The following RTBDN variants were observed in gnomAD, a reference collection of about 807,000 sequenced individuals.
The protein encoded by RTBDN is retbindin.
In RTBDN, 24 loss-of-function variants were observed where a neutral mutation model predicts 21.9. The observed-to-expected ratio is 1.10, with a 90% CI of 0.79 to 1.54. The LOEUF is 1.54. RTBDN is among the 40% of genes most tolerant of loss of function. The pLI is 0.00. For missense variants in RTBDN, 325 were observed against 315.2 expected (o/e 1.03, Z -0.23); for synonymous variants, 141 against 125.9 (o/e 1.12, Z -0.80).
Position 12,830,855 on chromosome 19 carries a change from GTGTGTGTA to G in RTBDN, c.-18-866_-18-859del, listed in dbSNP as rs1049283286. 8.5e-5 allele frequency among the ~76,000 whole-genome samples: 13 copies of G among 152,050 alleles called. No individual in the cohort carries two copies. The highest frequency in any genetic ancestry group is 3.1e-4 in the African/African-American group (13 of 41,390). ...ATGTGGGGAGTGTGTGTGTGTGTGTGTGTGTGTATGTGTGTGAGGAAGGTGTGTTTGTG... is the reference window on the plus strand; with the variant it reads ...ATGTGGGGAGTGTGTGTGTGTGTGTGTGTGTGTGAGGAAGGTGTGTTTGTG... On this transcript the variant is annotated intron_variant, in intron 1 of 5. Coordinates refer to ENST00000674343, the MANE Select transcript of RTBDN (RefSeq NM_001270441.2). The surrounding 1 kb of genome is among the most constrained non-coding windows in gnomAD (Gnocchi z 4.2).
At chr19:12,834,643 A>T (rs545859540), upstream of RTBDN, 33 of 1,511,596 alleles carry the variant, frequency 2.2e-5, no homozygotes, top group Admixed American at 5.6e-4. This position sits in a 1 kb window ranked among gnomAD's most constrained non-coding sequence, Gnocchi z 4.7. Flanking sequence ...AGCGATTTTT[A>T]GCTCCTTGCA....
rs753833392 is a variant in RTBDN, at chr19:12,828,762, T to G, written c.260A>C (p.Glu87Ala). ...ERCGVPSPEC[E>A]SFLEHLQRAL... ...ACGTTGGAGGTGTTCCAGGAAGGAT[T>G]CGCATCTGGACGTTGGGAGAGATAG... The change falls in exon 4 of 6, where the codon GAA becomes GCA. Residue 87 changes from glutamate to alanine, a missense_variant. Coordinates refer to ENST00000674343, the MANE Select transcript of RTBDN (RefSeq NM_001270441.2). The G allele has an allele frequency of 6.2e-6, 10 of 1,614,202 alleles. No homozygotes were observed. Among genetic ancestry groups the G allele is most frequent in the Non-Finnish European group, 8.5e-6 (10 of 1,180,024 alleles).
In RTBDN at chr19:12,830,539, C is replaced by T; in HGVS notation, c.-18-542G>A. 3 of 984,802 alleles carry T rather than the reference C, an allele frequency of 3.0e-6. No individual in the cohort carries two copies. Among genetic ancestry groups the T allele is most frequent in the Non-Finnish European group, 2.4e-6 (2 of 829,334 alleles). 61.0% of individuals were successfully genotyped at this position (984,802 alleles called of 1,614,324 possible). ...GTTCTGTCACTGGGGCCCAAAGCCCCGAGGCAGGGACAGCTAGCGGTCTGT... is the reference window on the plus strand; with the variant it reads ...GTTCTGTCACTGGGGCCCAAAGCCCTGAGGCAGGGACAGCTAGCGGTCTGT... On this transcript the variant is annotated intron_variant, in intron 1 of 5. Transcript: ENST00000674343. The surrounding 1 kb of genome is among the most constrained non-coding windows in gnomAD (Gnocchi z 4.2).
At chr19:12,833,211 C>CT (rs2145866717) in intron 1 of RTBDN, among the ~76,000 whole-genome samples, 1 of 152,164 alleles carries the variant, frequency 6.6e-6, no homozygotes, top group African/African-American at 2.4e-5. Context: ...GAGGTTGCGT[C>CT]TCCTGTGAAG....
At position 12,830,732 on chromosome 19, in the gene RTBDN, C is replaced by T; in HGVS notation, c.-18-735G>A. On this transcript the variant is annotated intron_variant, in intron 1 of 5. Coordinates refer to ENST00000674343, the MANE Select transcript of RTBDN (RefSeq NM_001270441.2). The surrounding 1 kb of genome is among the most constrained non-coding windows in gnomAD (Gnocchi z 4.2). The stretch of plus-strand genomic sequence containing the variant: ...GGGACCTCCCACCGTCCTGCCCACA[C>T]TCCAGCTGACCAAAGGCTGGCCGAC... 3 of 964,162 alleles carry T rather than the reference C, an allele frequency of 3.1e-6. No homozygotes were observed. The highest frequency in any genetic ancestry group is 3.7e-6 in the Non-Finnish European group (3 of 810,594). 59.7% of individuals were successfully genotyped at this position (964,162 alleles called of 1,614,324 possible). A position where few individuals can be genotyped will look rare whatever the true frequency, so the allele number is the denominator to read the frequency against.
chr19:12,826,325 T>A, intron 5 of RTBDN: 1 of 1,210,954 alleles, frequency 8.3e-7, no homozygotes, highest in Non-Finnish European at 1.0e-6. Context: ...CAGTAGGAGG[T>A]TGGGCTAGGG....
In RTBDN at chr19:12,832,225, C is replaced by A. The variant is rs530864527; in HGVS notation, c.-18-2228G>T. Among the ~76,000 whole-genome samples, 6 of 152,242 alleles carry A rather than the reference C, an allele frequency of 3.9e-5. No homozygotes were observed. In the South Asian group the frequency reaches 6.2e-4, roughly 16 times the overall value. On this transcript the variant is annotated intron_variant, in intron 1 of 5. Transcript: ENST00000674343. ...GTGAGTGTTCGTGTGCCTCTCATCT[C>A]AGGGCAAGAGAGGCTTTTGTCTCTC...
chr19:12,833,969 T>A (rs1292128996), intron 1 of RTBDN: 3 of 392,514 alleles, frequency 7.6e-6, no homozygotes, highest in Non-Finnish European at 1.3e-5. Flanking sequence ...GCTGCCGCCA[T>A]GGACGATTCG....
intron 5 of RTBDN, chr19:12,826,502 T>G (rs138275818): frequency 0.012 from 10,276 of 882,462 alleles, 160 homozygotes; most frequent in African/African-American, 0.059. Context: ...GAAACCAGCC[T>G]GGCCAACATG....
chr19:12,835,249 T>C, upstream of RTBDN: 1 of 732,526 alleles, frequency 1.4e-6, no homozygotes, highest in Non-Finnish European at 2.4e-6. Flanking sequence ...GAAAACTAAT[T>C]TGCTTTCAGA....
At chr19:12,833,405 T>C (rs1969646624) in intron 1 of RTBDN, among the ~76,000 whole-genome samples, 1 of 151,536 alleles carries the variant, frequency 6.6e-6, no homozygotes, top group African/African-American at 2.4e-5. Flanking sequence ...GCCTCTTTCG[T>C]GGGGAGGGGG....
At chr19:12,829,418 G>A (rs1969465706) in intron 2 of RTBDN, among the ~76,000 whole-genome samples, 1 of 152,092 alleles carries the variant, frequency 6.6e-6, no homozygotes, top group South Asian at 2.1e-4. Context: ...GGCCAGGCTG[G>A]TCTCAAACTC....
intron 5 of RTBDN, chr19:12,826,386 G>A (rs1297407852): frequency 7.8e-7 from 1 of 1,275,720 alleles, no homozygotes; most frequent in South Asian, 1.3e-5. Context: ...CTGGGGTCTA[G>A]ACACGGTAAG....
At position 12,825,727 on chromosome 19, in the gene RTBDN, A is replaced by ACTGCCACTCCCG. The variant is rs1206045816; in HGVS notation, c.657_668dup (p.Ser223_Gly226dup). The ACTGCCACTCCCG allele has an allele frequency of 6.3e-7, 1 of 1,587,238 alleles. No homozygotes were observed. Among genetic ancestry groups the ACTGCCACTCCCG allele is most frequent in the Non-Finnish European group, 8.6e-7 (1 of 1,168,230 alleles). On this transcript the variant is annotated inframe_insertion, in exon 6 of 6. Coordinates refer to ENST00000674343, the MANE Select transcript of RTBDN (RefSeq NM_001270441.2). Reference sequence around the variant, plus strand: ...TCCGCTAGGGGCCGCTGCCGCTTCCACTGCCACTCCCGCTGCCCGCAGCGT... The same window carrying ACTGCCACTCCCG: ...TCCGCTAGGGGCCGCTGCCGCTTCCACTGCCACTCCCGCTGCCACTCCCGCTGCCCGCAGCGT...
At chr19:12,832,238 G>A (rs1257079300) in intron 1 of RTBDN, among the ~76,000 whole-genome samples, 1 of 152,128 alleles carries the variant, frequency 6.6e-6, no homozygotes, top group Non-Finnish European at 1.5e-5. Flanking sequence ...GGCAAGAGAG[G>A]CTTTTGTCTC....
At chr19:12,833,402 T>C (rs1969646352) in intron 1 of RTBDN, among the ~76,000 whole-genome samples, 1 of 151,778 alleles carries the variant, frequency 6.6e-6, no homozygotes, top group Admixed American at 6.6e-5. Context: ...AATGCCTCTT[T>C]CGTGGGGAGG....
Position 12,830,494 on chromosome 19 carries a change from G to T in RTBDN, c.-18-497C>A. On this transcript the variant is annotated intron_variant, in intron 1 of 5. Coordinates refer to ENST00000674343, the MANE Select transcript of RTBDN (RefSeq NM_001270441.2). The surrounding 1 kb of genome is among the most constrained non-coding windows in gnomAD (Gnocchi z 4.2). ...CCAGAGCTGGACCTTTGGGACCAAGGCTGGTGTGGCAGGGCTCAGGTTCTG... is the reference window on the plus strand; with the variant it reads ...CCAGAGCTGGACCTTTGGGACCAAGTCTGGTGTGGCAGGGCTCAGGTTCTG... 1 of 985,742 alleles carries T rather than the reference G, an allele frequency of 1.0e-6. No individual in the cohort carries two copies. Among genetic ancestry groups the T allele is most frequent in the Non-Finnish European group, 1.2e-6 (1 of 830,064 alleles). The allele number at this position is 985,742 out of a possible 1,614,324, so 61.1% of individuals were successfully genotyped here.
intron 4 of RTBDN, among the ~76,000 whole-genome samples, chr19:12,828,335 G>T (rs1479222398): frequency 6.6e-6 from 1 of 151,802 alleles, no homozygotes; most frequent in Admixed American, 6.6e-5. Flanking sequence ...AGTGGAGGTT[G>T]CAGTGAGCCG....
rs761761771 is a variant in RTBDN at position 12,830,452 on chromosome 19, A to G, written c.-18-455T>C. The G allele has an allele frequency of 1.0e-5, 10 of 987,892 alleles. No homozygotes were observed. Among genetic ancestry groups the G allele is most frequent in the African/African-American group, 1.7e-5 (1 of 57,338 alleles). The allele number at this position is 987,892 out of a possible 1,614,324, so 61.2% of individuals were successfully genotyped here. On this transcript the variant is annotated intron_variant, in intron 1 of 5. Coordinates refer to ENST00000674343, the MANE Select transcript of RTBDN (RefSeq NM_001270441.2). This position sits in a 1 kb window ranked among gnomAD's most constrained non-coding sequence, Gnocchi z 4.2. ...CTGGGTCACCTTCTCTCGGCCCACA[A>G]TCGGCTTAGGGGCCACCCAGAGCTG...
Sources: gnomAD v4.1 joint callset for allele counts (sites outside exome capture counted in the v4.1 genomes callset) on GRCh38, gnomAD v4.1.1 for gene constraint, Gnocchi (gnomAD v3.1) non-coding constraint, MANE v1.5 for transcripts, NCBI Gene and HGNC (gene_info 2026-07-23, HGNC 2026-07-21) for gene names.